CCDC33: variants seen among roughly 807,000 people sequenced by gnomAD.
CCDC33 encodes coiled-coil domain containing 33.
Under a neutral mutation model 91.9 loss-of-function variants are expected in CCDC33, and 94 were observed. That is an observed-to-expected ratio of 1.02 (90% confidence interval 0.87 to 1.21). CCDC33 has a LOEUF of 1.21. CCDC33 is among the 50% of genes most tolerant of loss of function. The probability of loss-of-function intolerance (pLI) is 0.00; values close to 1 mark genes in which losing one functional copy is unlikely to be tolerated. For missense variants in CCDC33, 940 were observed against 935.5 expected, an observed-to-expected ratio of 1.00 and a Z score of -0.06; for synonymous variants, 396 against 374.5, an observed-to-expected ratio of 1.06 and a Z score of -0.66.
intron 2 of CCDC33, among the ~76,000 whole-genome samples, chr15:74,248,586 C>T (rs1238551043): frequency 6.6e-6 from 1 of 152,162 alleles, no homozygotes; most frequent in Non-Finnish European, 1.5e-5. Flanking sequence ...AAGCACAGAC[C>T]TGAGAGTGCC....
intron 2 of CCDC33, among the ~76,000 whole-genome samples, chr15:74,259,694 A>G (rs972682435): frequency 1.3e-5 from 2 of 151,682 alleles, no homozygotes; most frequent in African/African-American, 4.8e-5. Context: ...ACCTTTACCC[A>G]CCTCTTTGCA....
At chr15:74,323,006 C>T (rs1397405091) in intron 11 of CCDC33, among the ~76,000 whole-genome samples, 1 of 152,186 alleles carries the variant, frequency 6.6e-6, no homozygotes, top group African/African-American at 2.4e-5. Flanking sequence ...TGAAGCCCCT[C>T]CCCGCTCCTA....
chr15:74,328,030 G>T (rs542161826), intron 11 of CCDC33, among the ~76,000 whole-genome samples: 1 of 152,128 alleles, frequency 6.6e-6, no homozygotes. Flanking sequence ...TGCGTGTTTC[G>T]CTGGAAGCCA....
chr15:74,226,462 A>G (rs1242039050), intron 2 of CCDC33, among the ~76,000 whole-genome samples: 2 of 152,168 alleles, frequency 1.3e-5, no homozygotes, highest in Non-Finnish European at 2.9e-5. Context: ...AACCCATCCC[A>G]CAAATGTCAG....
chr15:74,328,163 T>G (rs1484871673), intron 11 of CCDC33, among the ~76,000 whole-genome samples: 1 of 151,852 alleles, frequency 6.6e-6, no homozygotes, highest in Non-Finnish European at 1.5e-5. Flanking sequence ...CTTCCTTTGG[T>G]CAGTCCCCCA....
At chr15:74,330,485 G>A (rs1045637225) in intron 12 of CCDC33, 131 bp downstream of exon 12, 18 of 1,165,622 alleles carry the variant, frequency 1.5e-5, no homozygotes, top group East Asian at 2.6e-5. Flanking sequence ...GGAGCCCCTC[G>A]CCCACAGACA....
chr15:74,272,111 A>G (rs904101529), intron 6 of CCDC33, among the ~76,000 whole-genome samples: 1 of 152,148 alleles, frequency 6.6e-6, no homozygotes, highest in Non-Finnish European at 1.5e-5. Flanking sequence ...GGAGGACAAC[A>G]AGAGGGGTCC....
chr15:74,282,255 C>A (rs1019708871), intron 10 of CCDC33, among the ~76,000 whole-genome samples: 91 of 152,224 alleles, frequency 6.0e-4, no homozygotes, highest in Non-Finnish European at 3.7e-4. Flanking sequence ...AAGATGTTGG[C>A]AGGGTCACAT....
upstream of CCDC33, among the ~76,000 whole-genome samples, chr15:74,233,005 G>A (rs981969691): frequency 6.6e-6 from 1 of 152,140 alleles, no homozygotes; most frequent in South Asian, 2.1e-4. Context: ...CCAGGCCCAC[G>A]CCCATGGCCG....
At chr15:74,207,781 C>G (rs1200923873) in intron 1 of CCDC33, 9 of 1,535,688 alleles carry the variant, frequency 5.9e-6, no homozygotes, top group Non-Finnish European at 7.0e-6. Context: ...TGGGGTGTGC[C>G]CTCAGTGGCA....
At chr15:74,205,865 C>T (rs1032439824) in intron 1 of CCDC33, among the ~76,000 whole-genome samples, 4 of 152,224 alleles carry the variant, frequency 2.6e-5, no homozygotes. Flanking sequence ...CGTCCTTTTC[C>T]CCTGGTGGGG....
At chr15:74,243,052 T>C (rs1003911206) in intron 1 of CCDC33, among the ~76,000 whole-genome samples, 47 of 152,334 alleles carry the variant, frequency 3.1e-4, no homozygotes, top group African/African-American at 1.1e-3. Context: ...CTCGTTAAGA[T>C]GGTCCTTTGG....
At chr15:74,240,457 C>T (rs2075309910) in intron 1 of CCDC33, among the ~76,000 whole-genome samples, 1 of 152,210 alleles carries the variant, frequency 6.6e-6, no homozygotes, top group African/African-American at 2.4e-5. Context: ...CCCCTCCCAG[C>T]CTCACTGCAG....
intron 2 of CCDC33, among the ~76,000 whole-genome samples, chr15:74,222,912 T>TC (rs929022885): frequency 6.6e-6 from 1 of 150,980 alleles, no homozygotes; most frequent in Non-Finnish European, 1.5e-5. Flanking sequence ...CCGTCCTCAC[T>TC]CCCCCCGCCC....
chr15:74,207,780 C>T, intron 1 of CCDC33: 1 of 1,535,692 alleles, frequency 6.5e-7, no homozygotes, highest in Non-Finnish European at 8.7e-7. Context: ...TTGGGGTGTG[C>T]CCTCAGTGGC....
intron 2 of CCDC33, among the ~76,000 whole-genome samples, chr15:74,229,324 C>T (rs1347930746): frequency 1.3e-5 from 2 of 152,024 alleles, no homozygotes; most frequent in Non-Finnish European, 2.9e-5. Context: ...GAAACCCAGT[C>T]TCTACTAAAA....
In CCDC33 at chr15:74,295,988, A is replaced by T. The variant is rs747023479; in HGVS notation, c.1290+40A>T. Reference sequence around the variant, plus strand: ...CCAGGTGGGAAGGGCCGGGGCAGTGATGAGGCCATGGGAAGGGGACTTGAC... The same window carrying T: ...CCAGGTGGGAAGGGCCGGGGCAGTGTTGAGGCCATGGGAAGGGGACTTGAC... On this transcript the variant is annotated intron_variant, in intron 11 of 18. Transcript: ENST00000398814. 9 of 1,545,872 alleles carry T rather than the reference A, an allele frequency of 5.8e-6. No homozygotes were observed. In the East Asian group the frequency reaches 1.9e-4, roughly 32 times the overall value.
chr15:74,305,782 T>C (rs566604546), intron 11 of CCDC33, among the ~76,000 whole-genome samples: 1 of 152,344 alleles, frequency 6.6e-6, no homozygotes, highest in South Asian at 2.1e-4. Flanking sequence ...GTGCCAAGTC[T>C]GGTTATCTCG....
At chr15:74,328,347 C>G (rs2060352751) in intron 11 of CCDC33, among the ~76,000 whole-genome samples, 1 of 152,184 alleles carries the variant, frequency 6.6e-6, no homozygotes, top group Non-Finnish European at 1.5e-5. Flanking sequence ...CCTGCCTGGG[C>G]AGGGGCTTCA....
Sources: gnomAD v4.1 joint callset for allele counts (sites outside exome capture counted in the v4.1 genomes callset) on GRCh38, gnomAD v4.1.1 for gene constraint, MANE v1.5 for transcripts, NCBI Gene and HGNC (gene_info 2026-07-23, HGNC 2026-07-21) for gene names.